Variants in CSMD1 observed in about 807,000 individuals in gnomAD.
The protein encoded by CSMD1 is CUB and sushi domain-containing protein 1.
A neutral mutation model predicts 417.5 loss-of-function variants in CSMD1; 213 were observed. That is an observed-to-expected ratio of 0.51 (90% CI 0.46 to 0.57). The LOEUF (loss-of-function observed/expected upper bound fraction) is 0.57, where lower values mean the gene tolerates loss of function less well. Ranked by LOEUF, CSMD1 falls within the 20% of genes least tolerant of loss-of-function variation. The pLI is 0.00. For synonymous variants in CSMD1, 2,862 were observed against 1,736.8 expected, an observed-to-expected ratio of 1.65 and a Z score of -16.11; for missense variants, 6,923 against 4,529.7, an observed-to-expected ratio of 1.53 and a Z score of -15.17.
chr8:3,114,107 G>C (rs948630780), intron 42 of CSMD1, among the ~76,000 whole-genome samples: 2 of 152,036 alleles, frequency 1.3e-5, no homozygotes, highest in African/African-American at 2.4e-5. Flanking sequence ...ATCCATGCAT[G>C]CGAGCACATG....
At chr8:4,010,949 C>T (rs959682892) in intron 4 of CSMD1, among the ~76,000 whole-genome samples, 1 of 152,166 alleles carries the variant, frequency 6.6e-6, no homozygotes, top group Non-Finnish European at 1.5e-5. Context: ...CATAATGATG[C>T]CCAGCAATCC....
At chr8:4,425,596 A>G (rs1292224606) in intron 2 of CSMD1, among the ~76,000 whole-genome samples, 3 of 152,102 alleles carry the variant, frequency 2.0e-5, no homozygotes, top group Non-Finnish European at 4.4e-5. Context: ...ACATGAAAGT[A>G]CTTCTGTGAG....
chr8:4,431,546 C>A (rs980248491), intron 2 of CSMD1, among the ~76,000 whole-genome samples: 1 of 152,140 alleles, frequency 6.6e-6, no homozygotes, highest in Non-Finnish European at 1.5e-5. Flanking sequence ...CCCTGATAAT[C>A]TACACCAGCC....
At chr8:3,730,687 A>G (rs1180734538) in intron 6 of CSMD1, among the ~76,000 whole-genome samples, 2 of 152,194 alleles carry the variant, frequency 1.3e-5, no homozygotes, top group African/African-American at 4.8e-5. Context: ...TAACCTCACC[A>G]AAAGGCACCT....
At chr8:4,149,657 G>A (rs950387213) in intron 3 of CSMD1, among the ~76,000 whole-genome samples, 1 of 152,172 alleles carries the variant, frequency 6.6e-6, no homozygotes, top group Non-Finnish European at 1.5e-5. Flanking sequence ...ACAGAATGGA[G>A]GATGCTAAGT....
rs545755070 is a variant in CSMD1, at chr8:4,531,368, G to C, written c.302+105974C>G. ...GAACAGAGTCTATAATTTGTATCTT[G>C]GGTATTGGAAAAAGTCTTGAAGTCA... On this transcript the variant is annotated intron_variant, in intron 2 of 69. Coordinates refer to ENST00000635120, the MANE Select transcript of CSMD1 (RefSeq NM_033225.6). 1.6e-3 allele frequency among the ~76,000 whole-genome samples: 248 copies of C among 152,234 alleles called. 1 individual carries two copies. The highest frequency in any genetic ancestry group is 5.8e-3 in the African/African-American group (239 of 41,524).
chr8:3,017,455 CAT>C (rs1285213111), intron 52 of CSMD1, among the ~76,000 whole-genome samples: 1 of 152,160 alleles, frequency 6.6e-6, no homozygotes, highest in Non-Finnish European at 1.5e-5. Context: ...TGCACACACT[CAT>C]ATATATAATT....
chr8:3,423,226 T>A (rs529391231), intron 12 of CSMD1, among the ~76,000 whole-genome samples: 1 of 152,302 alleles, frequency 6.6e-6, no homozygotes, highest in Non-Finnish European at 1.5e-5. Flanking sequence ...TTAATTTAAT[T>A]TGACGAATTT....
chr8:4,330,939 T>A (rs375919238), intron 3 of CSMD1, among the ~76,000 whole-genome samples: 1 of 152,142 alleles, frequency 6.6e-6, no homozygotes, highest in Non-Finnish European at 1.5e-5. Flanking sequence ...CTTTTCCCCA[T>A]GTTCATTTTT....
At position 2,974,510 on chromosome 8, in the gene CSMD1, T is replaced by A. The variant is rs1313870330; in HGVS notation, c.8681A>T (p.Asn2894Ile). 1.2e-6 allele frequency: 2 copies of A among 1,613,692 alleles called. No individual in the cohort carries two copies. The highest frequency in any genetic ancestry group is 1.7e-6 in the Non-Finnish European group (2 of 1,179,718). ...SCRGSESLIG[N>I]DTRVCQEDSH... is the part of the protein sequence containing the mutation. ...GTCTTCCTGGCACACTCTCGTGTCG[T>A]TGCCTATGAGGCTCTCGCTCCCTCT... The change falls in exon 56 of 70, where the codon AAC (asparagine) becomes ATC (isoleucine). Residue 2894 changes from asparagine to isoleucine, a missense_variant. Physicochemically the swap from Asn to Ile is moderately radical, Grantham distance 149 (BLOSUM62 -3). Coordinates refer to ENST00000635120, the MANE Select transcript of CSMD1 (RefSeq NM_033225.6).
rs569817384 is a variant in CSMD1, at chr8:3,024,592, C to T, written c.7855+4727G>A. Reference sequence around the variant, plus strand: ...AAAGTGTTGTGATTATAGGCATGAGCCACCATGCCTAGCCTACATTTTAAG... The same window carrying T: ...AAAGTGTTGTGATTATAGGCATGAGTCACCATGCCTAGCCTACATTTTAAG... On this transcript the variant is annotated intron_variant, in intron 51 of 69. Transcript: ENST00000635120. Among the ~76,000 whole-genome samples the T allele has an allele frequency of 1.3e-4, 20 of 152,304 alleles. No homozygotes were observed. In the South Asian group the frequency reaches 4.2e-3, roughly 32 times the overall value.
At position 4,175,419 on chromosome 8, in the gene CSMD1, C is replaced by T. The variant is rs151036352; in HGVS notation, c.416-143320G>A. Among the ~76,000 whole-genome samples, 778 of 152,058 alleles carry T rather than the reference C, an allele frequency of 5.1e-3. 11 individuals carry two copies. The highest frequency in any genetic ancestry group is 0.018 in the African/African-American group (729 of 41,456). Reference sequence around the variant, plus strand: ...CCTGCGCTATACTTTTATTGTTCAACGGAATATGTTTAAGTAATTGACATC... The same window carrying T: ...CCTGCGCTATACTTTTATTGTTCAATGGAATATGTTTAAGTAATTGACATC... On this transcript the variant is annotated intron_variant, in intron 3 of 69. Transcript: ENST00000635120.
intron 42 of CSMD1, among the ~76,000 whole-genome samples, chr8:3,115,671 T>C (rs1417150707): frequency 6.6e-6 from 1 of 152,240 alleles, no homozygotes; most frequent in Non-Finnish European, 1.5e-5. Context: ...GATAAATTTA[T>C]ACTATATTAA....
At chr8:4,800,813 C>G (rs779369927) in intron 1 of CSMD1, among the ~76,000 whole-genome samples, 1 of 152,220 alleles carries the variant, frequency 6.6e-6, no homozygotes, top group Non-Finnish European at 1.5e-5. Context: ...GGGAGGGCAC[C>G]TGAGTGGTGG....
chr8:3,983,157 C>G (rs1020275214), intron 5 of CSMD1, among the ~76,000 whole-genome samples: 14 of 85,006 alleles, frequency 1.6e-4, no homozygotes, highest in Non-Finnish European at 3.2e-4. Flanking sequence ...TTGAGACGGA[C>G]TCTCGCTCTG....
intron 3 of CSMD1, among the ~76,000 whole-genome samples, chr8:4,340,239 C>G (rs185030895): frequency 5.9e-5 from 9 of 152,020 alleles, no homozygotes; most frequent in Non-Finnish European, 1.3e-4. Flanking sequence ...CTCCCCTTTT[C>G]CTCTCACTGA....
intron 1 of CSMD1, among the ~76,000 whole-genome samples, chr8:4,725,685 T>C (rs1352298095): frequency 6.6e-6 from 1 of 152,210 alleles, no homozygotes; most frequent in African/African-American, 2.4e-5. Flanking sequence ...AGCCTTGCTT[T>C]TGGCATCTTG....
intron 1 of CSMD1, among the ~76,000 whole-genome samples, chr8:4,900,298 A>G (rs1804782699): frequency 6.6e-6 from 1 of 151,840 alleles, no homozygotes; most frequent in Non-Finnish European, 1.5e-5. Context: ...CAACTCATCC[A>G]CCTCCTATGT....
At chr8:3,658,392 C>G (rs1798235833) in intron 7 of CSMD1, among the ~76,000 whole-genome samples, 1 of 149,962 alleles carries the variant, frequency 6.7e-6, no homozygotes, top group Admixed American at 6.7e-5. Context: ...GTAAATCATC[C>G]CAATCTTAAA....
Sources: gnomAD v4.1 joint callset for allele counts (sites outside exome capture counted in the v4.1 genomes callset) on GRCh38, gnomAD v4.1.1 for gene constraint, MANE v1.5 for transcripts, NCBI Gene and HGNC (gene_info 2026-07-23, HGNC 2026-07-21) for gene names.